Variants in MYCBP2 observed in about 807,000 individuals in gnomAD.
The protein encoded by MYCBP2 is E3 ubiquitin-protein ligase MYCBP2.
In MYCBP2, 120 loss-of-function variants were observed where a neutral mutation model predicts 525.3. The observed-to-expected ratio is 0.23, with a 90% CI of 0.20 to 0.27. The LOEUF (loss-of-function observed/expected upper bound fraction) is 0.27. MYCBP2 is among the 10% of genes least tolerant of loss of function. The pLI is 1.00. For synonymous variants in MYCBP2, 1,894 were observed against 1,955.8 expected (o/e 0.97, Z 0.83); for missense variants, 4,149 against 5,657.1 (o/e 0.73, Z 8.55).
chr13:77,210,318 G>A (rs1400035440), intron 23 of MYCBP2, among the ~76,000 whole-genome samples: 2 of 150,474 alleles, frequency 1.3e-5, no homozygotes, highest in Non-Finnish European at 3.0e-5. Context: ...TCAGCCTCCC[G>A]AGTAGCTGGG....
At chr13:77,281,993 G>A (rs1403831541) in intron 3 of MYCBP2, among the ~76,000 whole-genome samples, 3 of 151,982 alleles carry the variant, frequency 2.0e-5, no homozygotes, top group Non-Finnish European at 4.4e-5. Flanking sequence ...TTTGTATAAA[G>A]CAAATATTTG....
At chr13:77,102,393 C>A (rs2047204356) in intron 55 of MYCBP2, among the ~76,000 whole-genome samples, 4 of 151,206 alleles carry the variant, frequency 2.6e-5, no homozygotes, top group Admixed American at 2.0e-4. Context: ...AAAAGAAAAT[C>A]AGTAATTAGT....
At chr13:77,141,882 G>A (rs2054699780) in intron 49 of MYCBP2, among the ~76,000 whole-genome samples, 1 of 151,740 alleles carries the variant, frequency 6.6e-6, no homozygotes, top group Non-Finnish European at 1.5e-5. Context: ...ATCTCTGCTT[G>A]TCTATGGTCA....
At chr13:77,270,987 A>AT (rs2074805431) in intron 5 of MYCBP2, among the ~76,000 whole-genome samples, 1 of 151,530 alleles carries the variant, frequency 6.6e-6, no homozygotes, top group Non-Finnish European at 1.5e-5. Context: ...TAGTTAACCC[A>AT]TTTTAAGTTT....
intron 31 of MYCBP2, 144 bp from the exon 32 acceptor site, chr13:77,185,521 T>C: frequency 1.1e-6 from 1 of 904,458 alleles, no homozygotes; most frequent in Admixed American, 3.1e-5. Flanking sequence ...AGATTAAGTG[T>C]AGTCCCAATT....
At chr13:77,248,236 G>A (rs1168816030) in intron 15 of MYCBP2, among the ~76,000 whole-genome samples, 2 of 150,772 alleles carry the variant, frequency 1.3e-5, no homozygotes, top group Admixed American at 6.6e-5. Context: ...AGGCACAGGC[G>A]ACAATAACCA....
Position 77,251,314 on chromosome 13 carries a change from G to C in MYCBP2, c.2218C>G (p.Leu740Val), listed in dbSNP as rs376471324. The change falls in exon 15 of 83, where the codon CTG becomes GTG. Residue 740 changes from leucine to valine, a missense_variant. By Grantham distance (32) the Leu-to-Val change is conservative. Transcript: ENST00000544440. The part of the protein sequence containing the change: ...ENMATAMDED[L>V]EEELDEKDEK... The stretch of plus-strand genomic sequence containing the variant: ...TCTTTTTCATCTAGTTCTTCTTCCA[G>C]GTCTTCATCCATTGCTGTTGCCATA... 2.0e-5 allele frequency: 33 copies of C among 1,613,946 alleles called. No individual in the cohort carries two copies. The Admixed American group carries it at 3.3e-4, about 16-fold the overall frequency.
intron 1 of MYCBP2, among the ~76,000 whole-genome samples, chr13:77,315,119 C>T (rs960731933): frequency 2.0e-5 from 3 of 152,120 alleles, no homozygotes; most frequent in Non-Finnish European, 2.9e-5. Flanking sequence ...ATCTGAATAA[C>T]GCTCTAACTA....
At position 77,205,582 on chromosome 13, in the gene MYCBP2, C is replaced by T. The variant is rs1180583032; in HGVS notation, c.3606G>A (p.Leu1202=). Residue 1202 remains leucine (L), a synonymous_variant, in exon 25 of 83, where the codon TTG becomes TTA. Coordinates refer to ENST00000544440, the MANE Select transcript of MYCBP2 (RefSeq NM_015057.5). ...ALHILGCLDT[L]AAMQDLKMGV... is the part of the protein sequence containing the mutation. ...CCATTTTTAAGTCCTGCATAGCTGCCAAGGTATCAAGACAACCTAAAACAA... is the reference window on the plus strand; with the variant it reads ...CCATTTTTAAGTCCTGCATAGCTGCTAAGGTATCAAGACAACCTAAAACAA... 3 of 1,611,186 alleles carry T rather than the reference C, an allele frequency of 1.9e-6. No homozygotes were observed. The highest frequency in any genetic ancestry group is 2.5e-6 in the Non-Finnish European group (3 of 1,179,194).
chr13:77,203,610 A>G (rs989649622), intron 26 of MYCBP2, among the ~76,000 whole-genome samples: 3 of 152,252 alleles, frequency 2.0e-5, no homozygotes, highest in African/African-American at 7.2e-5. Context: ...CCAAAAGAAC[A>G]AAGCTGGAGG....
intron 52 of MYCBP2, among the ~76,000 whole-genome samples, chr13:77,127,620 A>G (rs1467751689): frequency 6.6e-6 from 1 of 151,974 alleles, no homozygotes; most frequent in African/African-American, 2.4e-5. Context: ...TAATAATGTT[A>G]TAAATAGAAT....
chr13:77,139,123 C>A, intron 52 of MYCBP2, 73 bp downstream of exon 52: 1 of 1,496,536 alleles, frequency 6.7e-7, no homozygotes. Flanking sequence ...AACTGAAAAG[C>A]CTTAATTAAA....
chr13:77,136,726 G>A (rs2053816570), intron 52 of MYCBP2, among the ~76,000 whole-genome samples: 1 of 152,080 alleles, frequency 6.6e-6, no homozygotes, highest in South Asian at 2.1e-4. Flanking sequence ...ATTCTGAACT[G>A]ATCGTTTTCC....
At chr13:77,284,034 G>A (rs1005818763) in intron 3 of MYCBP2, among the ~76,000 whole-genome samples, 4 of 152,216 alleles carry the variant, frequency 2.6e-5, no homozygotes, top group East Asian at 1.9e-4. Context: ...TAGAAAGCTC[G>A]TTTAAATACA....
chr13:77,083,274 A>C, intron 62 of MYCBP2, 82 bp from the exon 63 acceptor site: 2 of 1,257,060 alleles, frequency 1.6e-6, no homozygotes, highest in Non-Finnish European at 2.1e-6. Flanking sequence ...GTATACTTAA[A>C]AAATGGTCAT....
rs1340820120 is a variant in MYCBP2 at position 77,326,621 on chromosome 13, C to T, written c.155G>A (p.Gly52Glu). Residue 52 changes from glycine to glutamate, a missense_variant, in exon 1 of 83, where the codon GGG becomes GAG. Coordinates refer to ENST00000544440, the MANE Select transcript of MYCBP2 (RefSeq NM_015057.5). The surrounding 1 kb of genome is among the most constrained non-coding windows in gnomAD (Gnocchi z 4.2). ...PDGSVAAAGL[G>E]LGLPAADSRG... ...GGAGTCCGCGGCGGGTAGCCCCAGC[C>T]CCAGCCCCGCAGCAGCCACGGAGCC... 1 of 1,565,438 alleles carries T rather than the reference C, an allele frequency of 6.4e-7. No individual in the cohort carries two copies. The highest frequency in any genetic ancestry group is 1.9e-5 in the Admixed American group (1 of 53,854).
rs2039910269 is a variant in MYCBP2, at chr13:77,064,609, A to T, written c.12672+6T>A. The T allele has an allele frequency of 6.2e-7, 1 of 1,602,812 alleles. No individual in the cohort carries two copies. ...TTAAAACAAAACAAAACAAAGCAAAACCTACTCTAGTTGTTGCAATACATC... is the reference window on the plus strand; with the variant it reads ...TTAAAACAAAACAAAACAAAGCAAATCCTACTCTAGTTGTTGCAATACATC... On this transcript the variant is annotated splice_donor_region_variant and intron_variant, in intron 73 of 82. Transcript: ENST00000544440.
chr13:77,246,414 G>C, intron 15 of MYCBP2, among the ~76,000 whole-genome samples: 1 of 151,260 alleles, frequency 6.6e-6, no homozygotes, highest in Non-Finnish European at 1.5e-5. Flanking sequence ...CATTCTTTGA[G>C]GTCAGGATTA....
intron 1 of MYCBP2, among the ~76,000 whole-genome samples, chr13:77,313,882 G>A (rs576992266): frequency 5.3e-5 from 8 of 151,746 alleles, no homozygotes; most frequent in Non-Finnish European, 1.0e-4. Context: ...AAGATATATA[G>A]ATGGCAAATA....
Sources: allele counts gnomAD v4.1 joint callset (sites outside exome capture counted in the v4.1 genomes callset), GRCh38; gene constraint gnomAD v4.1.1; non-coding constraint Gnocchi (gnomAD v3.1); transcripts MANE v1.5; gene names NCBI Gene and HGNC (gene_info 2026-07-23, HGNC 2026-07-21).